The following GPC5 variants were observed in gnomAD, a reference collection of about 807,000 sequenced individuals.
GPC5 encodes the protein glypican 5.
In GPC5, 47 loss-of-function variants were observed where a neutral mutation model predicts 53.9. The ratio of observed to expected loss-of-function variants is 0.87; its 90% CI spans 0.69 to 1.11. The LOEUF (loss-of-function observed/expected upper bound fraction) is 1.11, where lower values mean the gene tolerates loss of function less well. GPC5 is among the 50% of genes most tolerant of loss of function. The pLI, the probability that GPC5 is intolerant of heterozygous loss-of-function variation, is 0.00. For synonymous variants in GPC5, 286 were observed against 263.3 expected, an observed-to-expected ratio of 1.09 and a Z score of -0.84; for missense variants, 748 against 713.1, an observed-to-expected ratio of 1.05 and a Z score of -0.56.
At chr13:92,595,182 C>T (rs903913615) in intron 7 of GPC5, among the ~76,000 whole-genome samples, 2 of 152,076 alleles carry the variant, frequency 1.3e-5, no homozygotes, top group African/African-American at 4.8e-5. Context: ...CATAGAAGAC[C>T]TTCAGAATTA....
At chr13:92,286,071 C>T (rs951942679) in intron 7 of GPC5, among the ~76,000 whole-genome samples, 3 of 152,054 alleles carry the variant, frequency 2.0e-5, no homozygotes, top group African/African-American at 4.8e-5. Context: ...AACAAGTGGG[C>T]GAAGGATATG....
intron 2 of GPC5, among the ~76,000 whole-genome samples, chr13:91,666,230 C>T (rs1475962805): frequency 6.6e-6 from 1 of 152,142 alleles, no homozygotes; most frequent in Non-Finnish European, 1.5e-5. Context: ...ACCATGATCT[C>T]TCAAGAGAAT....
chr13:92,311,453 G>C (rs1446158443), intron 7 of GPC5, among the ~76,000 whole-genome samples: 1 of 152,004 alleles, frequency 6.6e-6, no homozygotes, highest in Non-Finnish European at 1.5e-5. Flanking sequence ...AATTTGATTT[G>C]GTCTCAATGC....
chr13:92,395,003 G>C (rs946653609), intron 7 of GPC5, among the ~76,000 whole-genome samples: 1 of 152,032 alleles, frequency 6.6e-6, no homozygotes, highest in African/African-American at 2.4e-5. Context: ...AACCATCAGA[G>C]TCTTTATAGT....
intron 7 of GPC5, among the ~76,000 whole-genome samples, chr13:92,300,316 C>CAA (rs2043066966): frequency 6.6e-6 from 1 of 152,056 alleles, no homozygotes. Flanking sequence ...CCAATTCCAC[C>CAA]TTTTTAATAC....
intron 7 of GPC5, among the ~76,000 whole-genome samples, chr13:92,631,720 C>G (rs1439275270): frequency 6.6e-6 from 1 of 152,112 alleles, no homozygotes; most frequent in Non-Finnish European, 1.5e-5. Context: ...AATCTGTAAA[C>G]TAAAATGGTC....
chr13:91,769,290 A>C (rs1274574368), intron 5 of GPC5, among the ~76,000 whole-genome samples: 1 of 152,220 alleles, frequency 6.6e-6, no homozygotes, highest in Non-Finnish European at 1.5e-5. Context: ...CTACTGGTTT[A>C]AGTATTAATA....
At chr13:91,441,295 G>A (rs1880404118) in intron 1 of GPC5, among the ~76,000 whole-genome samples, 1 of 152,170 alleles carries the variant, frequency 6.6e-6, no homozygotes, top group South Asian at 2.1e-4. Context: ...CAGGGAACTT[G>A]AGTAGCCATT....
chr13:92,818,008 C>T (rs1393566391), intron 7 of GPC5, among the ~76,000 whole-genome samples: 1 of 139,108 alleles, frequency 7.2e-6, no homozygotes, highest in Non-Finnish European at 1.5e-5. Flanking sequence ...GCCTAAATTG[C>T]ATTTTTTTTT....
chr13:92,405,243 C>T (rs1160471632), intron 7 of GPC5, among the ~76,000 whole-genome samples: 5 of 152,192 alleles, frequency 3.3e-5, no homozygotes, highest in Admixed American at 6.5e-5. Flanking sequence ...GGCACAGTCA[C>T]ACACTCCGTG....
In GPC5 at chr13:91,582,175, CA is replaced by C. The variant is rs555678436; in HGVS notation, c.326-111009del. On this transcript the variant is annotated intron_variant, in intron 2 of 7. Coordinates refer to ENST00000377067, the MANE Select transcript of GPC5 (RefSeq NM_004466.6). ...CTTGCCATGGCAGTGGTTTAGACTC[CA>C]AAGATCTTGTCCTTAGGTGTAAGCT... 6.3e-3 allele frequency among the ~76,000 whole-genome samples: 961 copies of C among 152,198 alleles called. 10 individuals are homozygous for C. The highest frequency in any genetic ancestry group is 0.022 in the African/African-American group (926 of 41,526).
intron 5 of GPC5, among the ~76,000 whole-genome samples, chr13:91,862,398 A>G (rs1231005868): frequency 2.0e-5 from 3 of 152,118 alleles, no homozygotes; most frequent in Non-Finnish European, 4.4e-5. Flanking sequence ...GTAGCTCAAG[A>G]TATTTTTAGT....
At chr13:92,058,475 A>AT (rs1457114444) in intron 6 of GPC5, among the ~76,000 whole-genome samples, 1 of 152,202 alleles carries the variant, frequency 6.6e-6, no homozygotes, top group Non-Finnish European at 1.5e-5. Context: ...AGAGTGGTAC[A>AT]TTTTTTAACC....
At chr13:92,173,130 C>T (rs2042082467) in intron 7 of GPC5, among the ~76,000 whole-genome samples, 3 of 151,666 alleles carry the variant, frequency 2.0e-5, no homozygotes, top group Admixed American at 6.6e-5. Context: ...TGTCTATATG[C>T]TGTGATCAAT....
At chr13:91,494,040 A>T (rs57665050) in intron 2 of GPC5, among the ~76,000 whole-genome samples, 13,486 of 149,588 alleles carry the variant, frequency 0.09, 703 homozygotes, top group African/African-American at 0.15. Context: ...CACCCGGCTA[A>T]TTTTTTTTTT....
At chr13:92,516,409 T>G (rs566159685) in intron 7 of GPC5, among the ~76,000 whole-genome samples, 1 of 152,278 alleles carries the variant, frequency 6.6e-6, no homozygotes, top group East Asian at 1.9e-4. Flanking sequence ...GACCCACTAA[T>G]GCACTTGATA....
At chr13:92,409,519 T>C (rs1466167695) in intron 7 of GPC5, among the ~76,000 whole-genome samples, 2 of 152,024 alleles carry the variant, frequency 1.3e-5, no homozygotes, top group African/African-American at 4.8e-5. Flanking sequence ...ATCCATATAA[T>C]TGACCATCAT....
chr13:91,467,172 G>T (rs1245972294), intron 2 of GPC5, among the ~76,000 whole-genome samples: 1 of 152,176 alleles, frequency 6.6e-6, no homozygotes, highest in Non-Finnish European at 1.5e-5. Flanking sequence ...AATTCAATGT[G>T]CTTTGCTATG....
chr13:92,352,986 C>T (rs1363766565), intron 7 of GPC5, among the ~76,000 whole-genome samples: 1 of 152,012 alleles, frequency 6.6e-6, no homozygotes, highest in African/African-American at 2.4e-5. Context: ...TCAGGCCGGG[C>T]GCGGTGGCTC....
Sources: allele counts gnomAD v4.1 joint callset (sites outside exome capture counted in the v4.1 genomes callset), GRCh38; gene constraint gnomAD v4.1.1; transcripts MANE v1.5; gene names NCBI Gene and HGNC (gene_info 2026-07-23, HGNC 2026-07-21).